Variants in NRG3 observed in about 807,000 individuals in gnomAD.
NRG3 encodes the protein neuregulin 3, also known as pro-neuregulin-3, membrane-bound isoform.
A neutral mutation model predicts 66.9 loss-of-function variants in NRG3; 31 were observed. The observed-to-expected ratio is 0.46, with a 90% CI of 0.35 to 0.63. The LOEUF is 0.63. NRG3 is among the 20% of genes least tolerant of loss of function. NRG3 has a pLI of 0.00. For missense variants in NRG3, 910 were observed against 878.9 expected, an observed-to-expected ratio of 1.04 and a Z score of -0.45; for synonymous variants, 393 against 359.4, an observed-to-expected ratio of 1.09 and a Z score of -1.06.
chr10:82,169,655 C>A (rs1325666172), intron 1 of NRG3, among the ~76,000 whole-genome samples: 2 of 151,594 alleles, frequency 1.3e-5, no homozygotes, highest in Non-Finnish European at 2.9e-5. Flanking sequence ...TTTCACCTAT[C>A]TTTCTTATAA....
At chr10:82,183,533 A>G (rs1258644870) in intron 1 of NRG3, among the ~76,000 whole-genome samples, 1 of 152,058 alleles carries the variant, frequency 6.6e-6, no homozygotes, top group Non-Finnish European at 1.5e-5. Context: ...TGCGGACCAC[A>G]TACTGAGAAC....
chr10:82,668,890 T>C (rs12416296), intron 2 of NRG3, among the ~76,000 whole-genome samples: 17,069 of 152,140 alleles, frequency 0.11, 1,154 homozygotes, highest in Middle Eastern at 0.27. Context: ...GGTGGGAGTT[T>C]AGCCTCATGA....
chr10:82,735,704 A>T (rs2058121180), intron 2 of NRG3, among the ~76,000 whole-genome samples: 1 of 152,092 alleles, frequency 6.6e-6, no homozygotes, highest in South Asian at 2.1e-4. Flanking sequence ...GAGTTGAACA[A>T]TGAAAGCACA....
At position 81,926,372 on chromosome 10, in the gene NRG3, T is replaced by C. The variant is rs1395459014; in HGVS notation, c.823+50209T>C. 5.3e-5 allele frequency among the ~76,000 whole-genome samples: 8 copies of C among 152,072 alleles called. No homozygotes were observed. The East Asian group carries it at 1.5e-3, about 29-fold the overall frequency. On this transcript the variant is annotated intron_variant, in intron 1 of 8. Coordinates refer to ENST00000372141, the MANE Select transcript of NRG3 (RefSeq NM_001010848.4). ...CTGACGTCAAGTAATACATCCGCCT[T>C]GGCCTCCCAAATTGCTGGGATTATA...
At chr10:82,603,316 C>G (rs2047751547) in intron 2 of NRG3, among the ~76,000 whole-genome samples, 1 of 152,134 alleles carries the variant, frequency 6.6e-6, no homozygotes, top group African/African-American at 2.4e-5. Flanking sequence ...AAAACAGTTA[C>G]TCCCTCTTTT....
At chr10:82,263,072 A>T (rs2078115242) in intron 1 of NRG3, among the ~76,000 whole-genome samples, 1 of 152,212 alleles carries the variant, frequency 6.6e-6, no homozygotes, top group African/African-American at 2.4e-5. Flanking sequence ...TTTAAAAGTG[A>T]CACTAGAACA....
chr10:82,305,775 T>C (rs1214101445), intron 1 of NRG3, among the ~76,000 whole-genome samples: 1 of 152,214 alleles, frequency 6.6e-6, no homozygotes, highest in Admixed American at 6.5e-5. Context: ...ATTTTCTACT[T>C]ATACAATTCT....
At chr10:82,079,781 T>A (rs974235136) in intron 1 of NRG3, among the ~76,000 whole-genome samples, 1 of 152,128 alleles carries the variant, frequency 6.6e-6, no homozygotes, top group African/African-American at 2.4e-5. Context: ...TTCCTTCATA[T>A]CTTTTCATGG....
intron 1 of NRG3, among the ~76,000 whole-genome samples, chr10:82,004,978 A>G (rs1324971295): frequency 6.6e-6 from 1 of 152,252 alleles, no homozygotes; most frequent in Non-Finnish European, 1.5e-5. Flanking sequence ...AAATGAGTAC[A>G]TACTGTCATG....
intron 4 of NRG3, among the ~76,000 whole-genome samples, chr10:82,923,501 C>T (rs11818231): frequency 0.09 from 13,693 of 152,268 alleles, 825 homozygotes; most frequent in African/African-American, 0.16. Flanking sequence ...TATGTCTGTT[C>T]ATGTTAGAGT....
rs773712819 is a variant in NRG3 at position 81,875,922 on chromosome 10, G to C, written c.582G>C (p.Pro194=). 2 of 1,613,358 alleles carry C rather than the reference G, an allele frequency of 1.2e-6. No homozygotes were observed. The highest frequency in any genetic ancestry group is 2.2e-5 in the East Asian group (1 of 44,850). Residue 194 remains proline, a synonymous_variant, in exon 1 of 9, where the codon CCG becomes CCC. Coordinates refer to ENST00000372141, the MANE Select transcript of NRG3 (RefSeq NM_001010848.4). This position sits in a 1 kb window ranked among gnomAD's most constrained non-coding sequence, Gnocchi z 5.3. ...ACACTGCGGCCCCTGCGACGGTCCC[G>C]TCCACCACGGCCCCGTTCTTCAGTA... ...ARNTAAPATV[P]STTAPFFSSS... is the part of the protein sequence containing the mutation.
At chr10:82,724,191 G>A (rs1390538847) in intron 2 of NRG3, among the ~76,000 whole-genome samples, 1 of 150,136 alleles carries the variant, frequency 6.7e-6, no homozygotes, top group African/African-American at 2.4e-5. Flanking sequence ...ATTTGACTGA[G>A]TGCCAATTTA....
intron 2 of NRG3, among the ~76,000 whole-genome samples, chr10:82,675,214 C>T (rs2053595158): frequency 6.6e-6 from 1 of 152,106 alleles, no homozygotes; most frequent in African/African-American, 2.4e-5. Context: ...ACCTCGGCCT[C>T]CCAAAGTGCT....
chr10:82,246,790 G>A lies in NRG3; in HGVS notation c.824-111949G>A, dbSNP rs1044739491. Reference sequence around the variant, plus strand: ...GAGTTTTTTTTTCAGAGAGTAAGGCGTTCAGAGTCACTGGGTCTGAGTGTG... The same window carrying A: ...GAGTTTTTTTTTCAGAGAGTAAGGCATTCAGAGTCACTGGGTCTGAGTGTG... On this transcript the variant is annotated intron_variant, in intron 1 of 8. Transcript: ENST00000372141. Among the ~76,000 whole-genome samples the A allele has an allele frequency of 3.9e-5, 6 of 152,200 alleles. No homozygotes were observed. The East Asian group carries it at 5.8e-4, about 15-fold the overall frequency.
chr10:82,247,501 A>G (rs980085164), intron 1 of NRG3, among the ~76,000 whole-genome samples: 1 of 152,124 alleles, frequency 6.6e-6, no homozygotes, highest in Non-Finnish European at 1.5e-5. Flanking sequence ...CCACCTTCTT[A>G]TGCCATCCTT....
intron 1 of NRG3, among the ~76,000 whole-genome samples, chr10:82,253,236 C>A (rs1208320260): frequency 1.3e-5 from 2 of 152,142 alleles, no homozygotes; most frequent in African/African-American, 4.8e-5. Flanking sequence ...CTCCCAATTT[C>A]CCCCAACACT....
intron 2 of NRG3, among the ~76,000 whole-genome samples, chr10:82,410,381 A>G (rs2087970211): frequency 6.6e-6 from 1 of 151,034 alleles, no homozygotes; most frequent in African/African-American, 2.4e-5. Context: ...ACATAGTTGA[A>G]CTCTGATACA....
At chr10:82,773,156 C>A (rs757718215) in intron 3 of NRG3, among the ~76,000 whole-genome samples, 2 of 152,072 alleles carry the variant, frequency 1.3e-5, no homozygotes, top group Non-Finnish European at 2.9e-5. Flanking sequence ...TCTTTAGTAA[C>A]CTCCATACTG....
chr10:82,429,644 AT>A (rs2089667728), intron 2 of NRG3, among the ~76,000 whole-genome samples: 1 of 152,162 alleles, frequency 6.6e-6, no homozygotes, highest in Admixed American at 6.5e-5. Flanking sequence ...ACTTCCAAAA[AT>A]GTAGATTAGA....
Sources: gnomAD v4.1 joint callset for allele counts (sites outside exome capture counted in the v4.1 genomes callset) on GRCh38, gnomAD v4.1.1 for gene constraint, Gnocchi (gnomAD v3.1) non-coding constraint, MANE v1.5 for transcripts, NCBI Gene and HGNC (gene_info 2026-07-23, HGNC 2026-07-21) for gene names.